Variants in YEATS2 observed in about 807,000 individuals in gnomAD.
YEATS2 encodes YEATS domain-containing protein 2.
In YEATS2, 77 loss-of-function variants were observed where a neutral mutation model predicts 163.2. The ratio of observed to expected loss-of-function variants is 0.47; its 90% CI spans 0.39 to 0.57. The LOEUF (loss-of-function observed/expected upper bound fraction) is 0.57. Among genes scored for constraint, YEATS2 ranks in the 20% least tolerant of loss-of-function variants. YEATS2 has a pLI of 0.00. For missense variants in YEATS2, 1,549 were observed against 1,729.8 expected, an observed-to-expected ratio of 0.90 and a Z score of 1.85; for synonymous variants, 631 against 645.1, an observed-to-expected ratio of 0.98 and a Z score of 0.33.
chr3:183,785,884 A>G (rs546629156), intron 19 of YEATS2, among the ~76,000 whole-genome samples: 20 of 152,218 alleles, frequency 1.3e-4, no homozygotes, highest in Non-Finnish European at 2.5e-4. Context: ...GCTGCCAAAT[A>G]GTAACTTGCA....
chr3:183,783,222 C>T (rs758757502), intron 19 of YEATS2, among the ~76,000 whole-genome samples: 9 of 152,166 alleles, frequency 5.9e-5, no homozygotes, highest in Admixed American at 2.0e-4. Flanking sequence ...TAATGACTTA[C>T]GATGACATAA....
intron 1 of YEATS2, among the ~76,000 whole-genome samples, chr3:183,707,287 T>C (rs1415894540): frequency 6.6e-6 from 1 of 152,226 alleles, no homozygotes; most frequent in African/African-American, 2.4e-5. Flanking sequence ...TATAGATTAA[T>C]TTGTCTCTTC....
intron 6 of YEATS2, among the ~76,000 whole-genome samples, chr3:183,727,994 A>G (rs1717295510): frequency 6.6e-6 from 1 of 152,072 alleles, no homozygotes; most frequent in South Asian, 2.1e-4. Context: ...GAACAACACA[A>G]ACTTTTAACA....
At chr3:183,753,272 A>G (rs1720374999) in intron 10 of YEATS2, among the ~76,000 whole-genome samples, 1 of 152,236 alleles carries the variant, frequency 6.6e-6, no homozygotes, top group South Asian at 2.1e-4. Context: ...TTTAACAAAT[A>G]TATGTGTATA....
At chr3:183,752,788 T>A (rs186999631) in intron 10 of YEATS2, among the ~76,000 whole-genome samples, 117 of 151,942 alleles carry the variant, frequency 7.7e-4, no homozygotes, top group African/African-American at 2.7e-3. Context: ...ATAAGATTTT[T>A]AAATTTATTT....
intron 10 of YEATS2, among the ~76,000 whole-genome samples, chr3:183,752,527 G>T (rs1289363930): frequency 6.6e-6 from 1 of 151,752 alleles, no homozygotes; most frequent in Non-Finnish European, 1.5e-5. Context: ...GACTAACACG[G>T]TGAAACCCCG....
intron 1 of YEATS2, among the ~76,000 whole-genome samples, chr3:183,708,382 T>C (rs79977807): frequency 1.2e-4 from 18 of 152,086 alleles, no homozygotes; most frequent in East Asian, 1.2e-3. Context: ...CCACATCTTA[T>C]ATGATGTGTT....
intron 20 of YEATS2, among the ~76,000 whole-genome samples, chr3:183,789,403 T>C (rs1431562354): frequency 6.6e-6 from 1 of 152,116 alleles, no homozygotes; most frequent in Non-Finnish European, 1.5e-5. Flanking sequence ...CATTGCTTTT[T>C]CTTTTGATGT....
chr3:183,794,907 C>T (rs966140604), intron 21 of YEATS2, among the ~76,000 whole-genome samples: 2 of 151,744 alleles, frequency 1.3e-5, no homozygotes, highest in Admixed American at 6.6e-5. Context: ...CAGTGGCTCA[C>T]GACTGTAATT....
chr3:183,776,255 A>G (rs376211729), intron 18 of YEATS2, 132 bp downstream of exon 18: 11 of 976,790 alleles, frequency 1.1e-5, no homozygotes, highest in South Asian at 8.3e-5. Flanking sequence ...ATCTATATCT[A>G]TATCTTGGCC....
intron 2 of YEATS2, among the ~76,000 whole-genome samples, chr3:183,717,262 T>C (rs980361571): frequency 1.3e-5 from 2 of 152,220 alleles, no homozygotes; most frequent in Non-Finnish European, 2.9e-5. Flanking sequence ...GGCATTTAGC[T>C]GTCATATCTC....
intron 9 of YEATS2, 108 bp downstream of exon 9, chr3:183,747,824 G>A: frequency 1.0e-6 from 1 of 999,668 alleles, no homozygotes; most frequent in Admixed American, 1.9e-5. Flanking sequence ...CTGTCACCCA[G>A]GCTGGAGTGC....
At chr3:183,715,547 T>TAAAAAAAAAAA (rs1715762534) in intron 2 of YEATS2, among the ~76,000 whole-genome samples, 1 of 152,182 alleles carries the variant, frequency 6.6e-6, no homozygotes, top group Admixed American at 6.5e-5. Context: ...ATGATATGTA[T>TAAAAAAAAAAA]AAAGGTGTGC....
In YEATS2 at chr3:183,724,532, G is replaced by A; in HGVS notation, c.650+1G>A. The A allele has an allele frequency of 6.3e-7, 1 of 1,590,624 alleles. No homozygotes were observed. The highest frequency in any genetic ancestry group is 1.1e-5 in the South Asian group (1 of 89,226). ...CAATAGTAGTGGGCAATGTGTCCAA[G>A]TGAGTATCCAGTTGAATTTATTTTT... On this transcript the variant is annotated splice_donor_variant, in intron 6 of 30. Transcript: ENST00000305135. LOFTEE classifies it high-confidence loss of function.
intron 20 of YEATS2, 145 bp downstream of exon 20, chr3:183,786,446 A>C: frequency 2.6e-6 from 2 of 782,444 alleles, no homozygotes; most frequent in Non-Finnish European, 3.9e-6. Flanking sequence ...CACATACCAT[A>C]AAAGTCCCCA....
chr3:183,733,500 G>C (rs2109139246), intron 7 of YEATS2, among the ~76,000 whole-genome samples: 1 of 152,284 alleles, frequency 6.6e-6, no homozygotes, highest in South Asian at 2.1e-4. Context: ...TCCAGGTATG[G>C]TGTAACCAAT....
intron 8 of YEATS2, 126 bp from the exon 9 acceptor site, chr3:183,747,546 C>A: frequency 3.8e-6 from 2 of 531,284 alleles, no homozygotes; most frequent in South Asian, 4.7e-5. Context: ...TTATATTTTA[C>A]ATTATGAAAA....
chr3:183,799,080 C>T (rs536672815), intron 23 of YEATS2, 91 bp downstream of exon 23: 13 of 935,074 alleles, frequency 1.4e-5, no homozygotes, highest in African/African-American at 4.9e-5. Context: ...AAGCTTTATG[C>T]GGGACATTAC....
chr3:183,698,915 A>T (rs1713779649), intron 1 of YEATS2, among the ~76,000 whole-genome samples: 1 of 152,190 alleles, frequency 6.6e-6, no homozygotes, highest in Non-Finnish European at 1.5e-5. Context: ...CTACCCTTGG[A>T]TGTATATTCC....
Sources: allele counts gnomAD v4.1 joint callset (sites outside exome capture counted in the v4.1 genomes callset), GRCh38; gene constraint gnomAD v4.1.1; transcripts MANE v1.5; gene names NCBI Gene and HGNC (gene_info 2026-07-23, HGNC 2026-07-21).